Variants in PARD3 observed in about 807,000 individuals in gnomAD.
PARD3 encodes the protein partitioning defective 3 homolog.
In PARD3, 75 loss-of-function variants were observed where a neutral mutation model predicts 155.4. That is an observed-to-expected ratio of 0.48 (90% confidence interval 0.40 to 0.58). PARD3 has a LOEUF of 0.58. Among genes scored for constraint, PARD3 ranks in the 20% least tolerant of loss-of-function variants. The pLI, the probability that PARD3 is intolerant of heterozygous loss-of-function variation, is 0.00. For synonymous variants in PARD3, 576 were observed against 610.5 expected, an observed-to-expected ratio of 0.94 and a Z score of 0.83; for missense variants, 1,642 against 1,721.7, an observed-to-expected ratio of 0.95 and a Z score of 0.82.
intron 22 of PARD3, among the ~76,000 whole-genome samples, chr10:34,211,379 G>A (rs1951739994): frequency 6.6e-6 from 1 of 152,200 alleles, no homozygotes; most frequent in Non-Finnish European, 1.5e-5. Context: ...CAGCGGGAAG[G>A]GAGTGAGGAT....
At chr10:34,701,704 G>A (rs537559885) in intron 1 of PARD3, among the ~76,000 whole-genome samples, 3 of 152,078 alleles carry the variant, frequency 2.0e-5, no homozygotes, top group Non-Finnish European at 4.4e-5. Flanking sequence ...AGACTAGTCT[G>A]GGGAACGTAG....
intron 1 of PARD3, among the ~76,000 whole-genome samples, chr10:34,760,291 C>T (rs780905767): frequency 1.3e-5 from 2 of 151,984 alleles, no homozygotes; most frequent in Admixed American, 6.6e-5. Flanking sequence ...AAAAGTGCTG[C>T]GATTACAGAC....
chr10:34,753,424 T>C (rs1049453841), intron 1 of PARD3, among the ~76,000 whole-genome samples: 2 of 152,210 alleles, frequency 1.3e-5, no homozygotes, highest in Non-Finnish European at 2.9e-5. Flanking sequence ...TACAAAAGAC[T>C]AGACCACCAC....
At chr10:34,583,543 C>CCT (rs1220982182) in intron 2 of PARD3, among the ~76,000 whole-genome samples, 1 of 152,030 alleles carries the variant, frequency 6.6e-6, no homozygotes, top group African/African-American at 2.4e-5. Context: ...CCCTTATTTA[C>CCT]CTCTGCCTTC....
chr10:34,350,633 C>CGG (rs113142401), intron 14 of PARD3, among the ~76,000 whole-genome samples: 2,495 of 40,672 alleles, frequency 0.061, 80 homozygotes, highest in African/African-American at 0.12. Flanking sequence ...TCCATCTTGG[C>CGG]GGGGGGGGAG....
At chr10:34,239,189 G>A (rs1953424418) in intron 22 of PARD3, among the ~76,000 whole-genome samples, 1 of 152,194 alleles carries the variant, frequency 6.6e-6, no homozygotes, top group Admixed American at 6.5e-5. Flanking sequence ...GAATTACTAA[G>A]CTCTGATAGG....
chr10:34,630,440 TCTC>T (rs1195502425), intron 2 of PARD3, among the ~76,000 whole-genome samples: 1 of 143,594 alleles, frequency 7.0e-6, no homozygotes, highest in Admixed American at 6.8e-5. Flanking sequence ...CCTCCCTCTC[TCTC>T]TTTTTTTTTT....
chr10:34,644,199 C>T (rs1465349124), intron 2 of PARD3, among the ~76,000 whole-genome samples: 1 of 152,148 alleles, frequency 6.6e-6, no homozygotes, highest in East Asian at 1.9e-4. Context: ...GTCAAATCTG[C>T]CAGCAACACA....
At chr10:34,558,819 C>G (rs544477917) in intron 2 of PARD3, among the ~76,000 whole-genome samples, 9 of 152,118 alleles carry the variant, frequency 5.9e-5, no homozygotes, top group Non-Finnish European at 1.3e-4. Flanking sequence ...TCGTGGCATA[C>G]GCCTGTAATG....
Position 34,179,168 on chromosome 10 carries a change from G to GCACA in PARD3, c.3420-47589_3420-47586dup, listed in dbSNP as rs72378504. Reference sequence around the variant, plus strand: ...ATTTATAGCACGCATGTGCGTGCGCGCACACACACACACACACACACACAC... The same window carrying GCACA: ...ATTTATAGCACGCATGTGCGTGCGCGCACACACACACACACACACACACACACAC... On this transcript the variant is annotated intron_variant, in intron 22 of 24. Coordinates refer to ENST00000374788, the MANE Select transcript of PARD3 (RefSeq NM_001184785.2). Among the ~76,000 whole-genome samples, 914 of 94,510 alleles carry GCACA rather than the reference G, an allele frequency of 9.7e-3. 4 individuals are homozygous for GCACA. The highest frequency in any genetic ancestry group is 0.02 in the Middle Eastern group (3 of 152). 62.0% of individuals were successfully genotyped at this position (94,510 alleles called of 152,430 possible).
At chr10:34,284,552 A>G (rs1436067000) in intron 20 of PARD3, among the ~76,000 whole-genome samples, 1 of 152,236 alleles carries the variant, frequency 6.6e-6, no homozygotes, top group Non-Finnish European at 1.5e-5. Flanking sequence ...ATACATCTGT[A>G]GGACTAAGTG....
At chr10:34,741,271 A>C (rs2095012632) in intron 1 of PARD3, among the ~76,000 whole-genome samples, 1 of 145,786 alleles carries the variant, frequency 6.9e-6, no homozygotes, top group Non-Finnish European at 1.5e-5. Flanking sequence ...TGCAGCTTCA[A>C]CTTCCTGGGC....
intron 2 of PARD3, among the ~76,000 whole-genome samples, chr10:34,520,290 C>G (rs1347169872): frequency 6.6e-6 from 1 of 152,118 alleles, no homozygotes; most frequent in African/African-American, 2.4e-5. Flanking sequence ...ATAGAATCAG[C>G]TGATTAAACA....
intron 2 of PARD3, among the ~76,000 whole-genome samples, chr10:34,639,391 A>T (rs575545217): frequency 2.2e-4 from 33 of 152,318 alleles, no homozygotes; most frequent in Middle Eastern, 3.4e-3. Flanking sequence ...AAGTAAAAAA[A>T]AAATAAAATA....
At chr10:34,416,482 G>A (rs1845689102) in intron 5 of PARD3, among the ~76,000 whole-genome samples, 1 of 152,166 alleles carries the variant, frequency 6.6e-6, no homozygotes, top group Non-Finnish European at 1.5e-5. Context: ...CTGCAGAGAT[G>A]AGAGGTTCTA....
intron 5 of PARD3, among the ~76,000 whole-genome samples, chr10:34,411,717 T>C (rs1209463421): frequency 6.9e-6 from 1 of 144,754 alleles, no homozygotes; most frequent in African/African-American, 2.5e-5. Context: ...TGTATATATC[T>C]AAAGACATAC....
chr10:34,128,067 G>C (rs1320191408), intron 23 of PARD3, among the ~76,000 whole-genome samples: 1 of 152,168 alleles, frequency 6.6e-6, no homozygotes, highest in Non-Finnish European at 1.5e-5. Context: ...CAGGGAACTT[G>C]TTTTATAACC....
chr10:34,606,156 A>ATG (rs59792013), intron 2 of PARD3, among the ~76,000 whole-genome samples: 1,940 of 126,364 alleles, frequency 0.015, 22 homozygotes, highest in South Asian at 0.024. Flanking sequence ...ATAAAGGGAA[A>ATG]TGTGTGTGTG....
rs569121341 is a variant in PARD3, at chr10:34,196,809, A to G, written c.3420-65226T>C. Among the ~76,000 whole-genome samples the G allele has an allele frequency of 1.3e-4, 20 of 152,114 alleles. No homozygotes were observed. In the East Asian group the frequency reaches 1.6e-3, roughly 12 times the overall value. On this transcript the variant is annotated intron_variant, in intron 22 of 24. Coordinates refer to ENST00000374788, the MANE Select transcript of PARD3 (RefSeq NM_001184785.2). The stretch of plus-strand genomic sequence containing the variant: ...AGGATGGTCTCTATCTCCTGACCTC[A>G]TGATCCGCCCACCTTGGCCTCCCAG...
Sources: gnomAD v4.1 joint callset for allele counts (sites outside exome capture counted in the v4.1 genomes callset) on GRCh38, gnomAD v4.1.1 for gene constraint, MANE v1.5 for transcripts, NCBI Gene and HGNC (gene_info 2026-07-23, HGNC 2026-07-21) for gene names.